LRRC37A3: variants seen among roughly 807,000 people sequenced by gnomAD.
LRRC37A3 encodes leucine rich repeat containing 37 member A3, also known as leucine-rich repeat-containing protein 37A3.
A neutral mutation model predicts 106.2 loss-of-function variants in LRRC37A3; 25 were observed. The ratio of observed to expected loss-of-function variants is 0.24; its 90% CI spans 0.17 to 0.33. The LOEUF (loss-of-function observed/expected upper bound fraction) is 0.33. Ranked by LOEUF, LRRC37A3 falls within the 10% of genes least tolerant of loss-of-function variation. The pLI is 1.00. For missense variants in LRRC37A3, 712 were observed against 1,644.9 expected (o/e 0.43, Z 9.81); for synonymous variants, 305 against 635.8 (o/e 0.48, Z 7.83).
intron 10 of LRRC37A3, among the ~76,000 whole-genome samples, chr17:64,867,037 G>A (rs1330264505): frequency 6.6e-6 from 1 of 151,640 alleles, no homozygotes; most frequent in Non-Finnish European, 1.5e-5. Flanking sequence ...ATCATTTCTG[G>A]GAGAAGACAT....
rs763585277 is a variant in LRRC37A3 at position 64,859,808 on chromosome 17, T to C, written c.4338A>G (p.Glu1446=). 3.1e-5 allele frequency: 50 copies of C among 1,612,146 alleles called. No individual in the cohort carries two copies. Among genetic ancestry groups the C allele is most frequent in the Non-Finnish European group, 2.5e-6 (3 of 1,179,890 alleles). ...ACAGGTCAGTGCCCACGTTGTTGTATTCCCATTTTGTCTCAGTTTGTTTAA... is the reference window on the plus strand; with the variant it reads ...ACAGGTCAGTGCCCACGTTGTTGTACTCCCATTTTGTCTCAGTTTGTTTAA... ...PTVKQTETKW[E]YNNVGTDLSP... The change falls in exon 12 of 15, where the codon GAA becomes GAG. Residue 1446 remains glutamate (E), a synonymous_variant. Coordinates refer to ENST00000584306, the MANE Select transcript of LRRC37A3 (RefSeq NM_199340.5).
At chr17:64,873,544 G>C (rs1042466249) in intron 8 of LRRC37A3, among the ~76,000 whole-genome samples, 7 of 150,600 alleles carry the variant, frequency 4.6e-5, no homozygotes, top group African/African-American at 1.7e-4. Flanking sequence ...AGAACTAAAG[G>C]AAAGTATGAA....
At chr17:64,916,411 TAAATA>T (rs1186248776) in intron 2 of LRRC37A3, among the ~76,000 whole-genome samples, 2 of 151,336 alleles carry the variant, frequency 1.3e-5, no homozygotes, top group Admixed American at 6.6e-5. Context: ...CTCAAATAAA[TAAATA>T]AATAAAATAA....
At chr17:64,861,323 C>T (rs999148691) in intron 11 of LRRC37A3, among the ~76,000 whole-genome samples, 7 of 152,208 alleles carry the variant, frequency 4.6e-5, no homozygotes, top group Non-Finnish European at 1.0e-4. Context: ...CTGCAGACTG[C>T]TCCGTACCCT....
intron 8 of LRRC37A3, among the ~76,000 whole-genome samples, chr17:64,881,446 C>A (rs1973699719): frequency 7.4e-6 from 1 of 134,788 alleles, no homozygotes; most frequent in Non-Finnish European, 1.6e-5. Context: ...CAGGGTTTCA[C>A]CATGTTGGCC....
In LRRC37A3 at chr17:64,868,080, A is replaced by C. The variant is rs569253509; in HGVS notation, c.3053+382T>G. 4.0e-5 allele frequency among the ~76,000 whole-genome samples: 6 copies of C among 148,562 alleles called. No homozygotes were observed. The East Asian group carries it at 9.7e-4, about 24-fold the overall frequency. On this transcript the variant is annotated intron_variant, in intron 10 of 14. Coordinates refer to ENST00000584306, the MANE Select transcript of LRRC37A3 (RefSeq NM_199340.5). Reference sequence around the variant, plus strand: ...CAGAGTGAGATTCCATTTCAAAAACAAAAAAAAAAATTAGGCTTTGTGAAA... The same window carrying C: ...CAGAGTGAGATTCCATTTCAAAAACCAAAAAAAAAATTAGGCTTTGTGAAA...
chr17:64,881,044 C>G (rs1192737044), intron 8 of LRRC37A3: 3 of 697,332 alleles, frequency 4.3e-6, no homozygotes, highest in Non-Finnish European at 7.8e-6. Context: ...AAGCAGATGA[C>G]CTAGACCCTC....
intron 8 of LRRC37A3, among the ~76,000 whole-genome samples, chr17:64,874,437 GC>G (rs1973433169): frequency 6.6e-6 from 1 of 151,880 alleles, no homozygotes; most frequent in African/African-American, 2.4e-5. Context: ...GAAGTGAGGA[GC>G]CCCTCCGCCC....
chr17:64,866,799 TTTTA>T (rs972954777), intron 10 of LRRC37A3, among the ~76,000 whole-genome samples: 3 of 129,350 alleles, frequency 2.3e-5, no homozygotes, highest in African/African-American at 7.0e-5. Context: ...CCTGGCTGAT[TTTTA>T]TATATATATA....
At chr17:64,856,081 G>A (rs886705036) in intron 13 of LRRC37A3, among the ~76,000 whole-genome samples, 192 bp from the exon 14 acceptor site, 14 of 152,178 alleles carry the variant, frequency 9.2e-5, no homozygotes, top group African/African-American at 3.4e-4. Context: ...TCTTGCGGGG[G>A]ATTGGTTCTA....
chr17:64,856,188 T>C (rs1434812310), intron 13 of LRRC37A3, among the ~76,000 whole-genome samples: 2 of 152,090 alleles, frequency 1.3e-5, no homozygotes, highest in African/African-American at 4.8e-5. Context: ...ATCCCCCCTA[T>C]ACTTTATTTA....
In LRRC37A3 at chr17:64,859,540, C is replaced by G; in HGVS notation, c.4606G>C (p.Ala1536Pro). Residue 1536 changes from alanine (A) to proline (P), a missense_variant, in exon 12 of 15, where the codon GCA becomes CCA. Ala to Pro is a conservative substitution (Grantham distance 27, BLOSUM62 -1). Coordinates refer to ENST00000584306, the MANE Select transcript of LRRC37A3 (RefSeq NM_199340.5). ...TCCGTATCCCATTCTATCTTGGATGCCTTTACTTCCTGCTGCCCACTGAGA... is the reference window on the plus strand; with the variant it reads ...TCCGTATCCCATTCTATCTTGGATGGCTTTACTTCCTGCTGCCCACTGAGA... ...KLLSGQQEVK[A>P]SKIEWDTDQW... 1 of 1,611,796 alleles carries G rather than the reference C, an allele frequency of 6.2e-7. No homozygotes were observed. The highest frequency in any genetic ancestry group is 1.1e-5 in the South Asian group (1 of 90,892).
rs947549069 is a variant in LRRC37A3 at position 64,875,208 on chromosome 17, T to C, written c.2907-6042A>G. On this transcript the variant is annotated intron_variant, in intron 8 of 14. Transcript: ENST00000584306. ...GACAGCATTGCTTAAGCCTGGGAGG[T>C]GGAGGCTGCAACGATGTGAGTGGTT... 7.2e-5 allele frequency among the ~76,000 whole-genome samples: 11 copies of C among 151,890 alleles called. No individual in the cohort carries two copies. The South Asian group carries it at 8.3e-4, about 12-fold the overall frequency.
chr17:64,866,854 A>G (rs1973131726), intron 10 of LRRC37A3, among the ~76,000 whole-genome samples: 3 of 147,532 alleles, frequency 2.0e-5, no homozygotes, highest in Non-Finnish European at 3.0e-5. Flanking sequence ...ACGGTGTCCC[A>G]TGCCTGTAAT....
At chr17:64,890,135 T>C (rs1208443793) in intron 5 of LRRC37A3, among the ~76,000 whole-genome samples, 1 of 115,340 alleles carries the variant, frequency 8.7e-6, no homozygotes, top group Non-Finnish European at 1.6e-5. Context: ...CATGGAACCA[T>C]GTCAGGGCTG....
At chr17:64,855,549 A>G (rs1403367766) in intron 14 of LRRC37A3, among the ~76,000 whole-genome samples, 3 of 150,406 alleles carry the variant, frequency 2.0e-5, no homozygotes, top group Non-Finnish European at 4.4e-5. Flanking sequence ...CAGGCTAAGC[A>G]TTAGGGTAAG....
intron 11 of LRRC37A3, among the ~76,000 whole-genome samples, chr17:64,861,874 C>A (rs1972884866): frequency 6.6e-6 from 1 of 152,092 alleles, no homozygotes; most frequent in South Asian, 2.1e-4. Context: ...AGCTGGGTTT[C>A]TTTTCCAGAA....
At chr17:64,910,589 T>C (rs1437019289) in intron 2 of LRRC37A3, among the ~76,000 whole-genome samples, 2 of 150,664 alleles carry the variant, frequency 1.3e-5, no homozygotes, top group African/African-American at 2.4e-5. Context: ...AAAACAACTC[T>C]CTATAAAATG....
intron 8 of LRRC37A3, chr17:64,881,313 T>C (rs1973695746): frequency 1.6e-6 from 1 of 641,804 alleles, no homozygotes; most frequent in Non-Finnish European, 2.8e-6. Context: ...AGTGGTGTGA[T>C]CTTGGCTCAC....
Sources: gnomAD v4.1 joint callset for allele counts (sites outside exome capture counted in the v4.1 genomes callset) on GRCh38, gnomAD v4.1.1 for gene constraint, MANE v1.5 for transcripts, NCBI Gene and HGNC (gene_info 2026-07-23, HGNC 2026-07-21) for gene names.